EPRS1: variants seen among roughly 807,000 people sequenced by gnomAD.
EPRS1 encodes the protein glutamyl-prolyl-tRNA synthetase 1.
In EPRS1, 107 loss-of-function variants were observed where a neutral mutation model predicts 188.3. That is an observed-to-expected ratio of 0.57 (90% CI 0.49 to 0.67). The LOEUF (loss-of-function observed/expected upper bound fraction) is 0.67. Ranked by LOEUF, EPRS1 falls within the 30% of genes least tolerant of loss-of-function variation. The pLI, the probability that EPRS1 is intolerant of heterozygous loss-of-function variation, is 0.00. For synonymous variants in EPRS1, 596 were observed against 593.1 expected (o/e 1.00, Z -0.07); for missense variants, 1,577 against 1,802.2 (o/e 0.88, Z 2.26).
Position 219,981,868 on chromosome 1 carries a change from C to T in EPRS1, c.3374-411G>A, listed in dbSNP as rs553248139. The stretch of plus-strand genomic sequence containing the variant: ...AGGTATCATAACTCAGTTTTAAAGA[C>T]GTGGAAAGCTGAGTTTATAGAAGCT... On this transcript the variant is annotated intron_variant, in intron 23 of 31. Coordinates refer to ENST00000366923, the MANE Select transcript of EPRS1 (RefSeq NM_004446.3). Among the ~76,000 whole-genome samples, 30 of 152,248 alleles carry T rather than the reference C, an allele frequency of 2.0e-4. No homozygotes were observed. The South Asian group carries it at 4.4e-3, about 22-fold the overall frequency.
At position 219,997,389 on chromosome 1, in the gene EPRS1, T is replaced by C. The variant is rs778150959; in HGVS notation, c.2182-47A>G. On this transcript the variant is annotated intron_variant, in intron 17 of 31. Coordinates refer to ENST00000366923, the MANE Select transcript of EPRS1 (RefSeq NM_004446.3). ...AGTAAAATAATTAATTCATATTAAATGTTTTCCCACAAAATTATTTCAAAC... is the reference window on the plus strand; with the variant it reads ...AGTAAAATAATTAATTCATATTAAACGTTTTCCCACAAAATTATTTCAAAC... 18 of 1,451,972 alleles carry C rather than the reference T, an allele frequency of 1.2e-5. No homozygotes were observed. The Admixed American group carries it at 3.4e-4, about 28-fold the overall frequency. 89.9% of individuals were successfully genotyped at this position (1,451,972 alleles called of 1,614,324 possible).
At chr1:220,018,636 G>A in intron 11 of EPRS1, 128 bp from the exon 12 acceptor site, 1 of 691,768 alleles carries the variant, frequency 1.4e-6, no homozygotes, top group South Asian at 1.8e-5. Context: ...TACTTCTAGT[G>A]AAATATAAAA....
In EPRS1 at chr1:220,046,447, G is replaced by A; in HGVS notation, c.-59C>T. ...CCTGGCTCGTGCCAGAACTACGGAGGACCCCGCGAAAGGAAGAAGATGCAA... is the reference window on the plus strand; with the variant it reads ...CCTGGCTCGTGCCAGAACTACGGAGAACCCCGCGAAAGGAAGAAGATGCAA... On this transcript the variant is annotated 5_prime_UTR_variant, in exon 1 of 32. Transcript: ENST00000366923. 4 of 1,606,874 alleles carry A rather than the reference G, an allele frequency of 2.5e-6. No homozygotes were observed. Among genetic ancestry groups the A allele is most frequent in the Non-Finnish European group, 2.5e-6 (3 of 1,177,234 alleles).
rs776617380 is a variant in EPRS1, at chr1:220,007,191, A to G, written c.1742+11T>C. On this transcript the variant is annotated intron_variant, in intron 14 of 31. Coordinates refer to ENST00000366923, the MANE Select transcript of EPRS1 (RefSeq NM_004446.3). ...CCTATGTTTATTTGAAAACAAACAA[A>G]AAGTTCTTACTTGTGTATTTTTGTA... 3.1e-6 allele frequency: 5 copies of G among 1,599,660 alleles called. No homozygotes were observed. The Admixed American group carries it at 7.0e-5, about 22-fold the overall frequency.
intron 16 of EPRS1, among the ~76,000 whole-genome samples, chr1:220,002,349 G>A (rs907604201): frequency 1.1e-4 from 16 of 140,632 alleles, no homozygotes; most frequent in Non-Finnish European, 4.8e-5. Context: ...AAAAAAAAAA[G>A]AAAAAAAATT....
Position 219,978,632 on chromosome 1 carries a change from G to A in EPRS1, c.3997C>T (p.Arg1333Ter). The stretch of plus-strand genomic sequence containing the variant: ...ACGCGGATGTTAACACTGAGTAATC[G>A]CCTTCGATAATCATTGCATTTTGCA... ...LIAKCNDYRRRLLSVNIRVRA... is the reference protein window; with the variant it reads ...LIAKCNDYRR The change falls in exon 28 of 32, where the codon CGA becomes TGA. Residue 1333 changes from arginine (R) to a stop codon, truncating the protein, a stop_gained. Coordinates refer to ENST00000366923, the MANE Select transcript of EPRS1 (RefSeq NM_004446.3). LOFTEE classifies it high-confidence loss of function. The A allele has an allele frequency of 1.2e-6, 2 of 1,611,448 alleles. No individual in the cohort carries two copies. Among genetic ancestry groups the A allele is most frequent in the Non-Finnish European group, 8.5e-7 (1 of 1,178,382 alleles).
At chr1:220,004,338 A>G (rs1414203449) in intron 16 of EPRS1, among the ~76,000 whole-genome samples, 1 of 152,180 alleles carries the variant, frequency 6.6e-6, no homozygotes, top group South Asian at 2.1e-4. Context: ...CTGCCCTACT[A>G]ATAGAGATTT....
At chr1:220,016,344 A>G (rs1032048551) in intron 12 of EPRS1, among the ~76,000 whole-genome samples, 30 of 146,896 alleles carry the variant, frequency 2.0e-4, no homozygotes, top group Middle Eastern at 3.7e-3. Flanking sequence ...ATTCCGCTAC[A>G]AAAAGAAAAA....
At chr1:219,983,786 G>A (rs1660948090) in intron 21 of EPRS1, among the ~76,000 whole-genome samples, 2 of 151,670 alleles carry the variant, frequency 1.3e-5, no homozygotes, top group South Asian at 2.1e-4. Context: ...CCAGGTACTC[G>A]GGAGGCTGAG....
chr1:219,986,386 A>G (rs1327365807), intron 20 of EPRS1, among the ~76,000 whole-genome samples: 2 of 152,206 alleles, frequency 1.3e-5, no homozygotes, highest in Non-Finnish European at 2.9e-5. Flanking sequence ...ATGGAAAACC[A>G]AATATCCCAG....
intron 1 of EPRS1, 131 bp downstream of exon 1, chr1:220,046,212 G>A (rs1165200700): frequency 2.8e-6 from 3 of 1,082,664 alleles, no homozygotes; most frequent in Non-Finnish European, 4.1e-6. Flanking sequence ...GTACAATTCT[G>A]GGGCGAGGGG....
At chr1:219,992,346 A>G (rs949663425) in intron 18 of EPRS1, among the ~76,000 whole-genome samples, 2 of 152,210 alleles carry the variant, frequency 1.3e-5, no homozygotes, top group Admixed American at 1.3e-4. Flanking sequence ...CTCCACATAG[A>G]CTGGGTATGG....
chr1:220,004,222 T>TG lies in EPRS1; in HGVS notation c.2063+1025dup, dbSNP rs949313426. Among the ~76,000 whole-genome samples the TG allele has an allele frequency of 6.6e-5, 10 of 152,202 alleles. 1 individual carries two copies. The East Asian group carries it at 7.7e-4, about 12-fold the overall frequency. ...CTTTATTTATAATTTTTTGTAGAGA[T>TG]GGGGTCTCACTATGTTGCCCAGGCT... On this transcript the variant is annotated intron_variant, in intron 16 of 31. Transcript: ENST00000366923.
chr1:220,036,218 C>A (rs1221437651), intron 2 of EPRS1, among the ~76,000 whole-genome samples: 1 of 152,082 alleles, frequency 6.6e-6, no homozygotes, highest in Non-Finnish European at 1.5e-5. Context: ...AAACAAAAAA[C>A]CACACACTGT....
chr1:219,973,338 C>T lies in EPRS1; in HGVS notation c.4144G>A (p.Val1382Ile), dbSNP rs181250691. ...RDMKSCQFVA[V>I]RRDTGEKLTV... ...AGCTTTTCTCCAGTATCTCGTCTGA[C>T]GGCTACAAACTGACAGCTCTTCATA... The change falls in exon 29 of 32, where the codon GTC (valine) becomes ATC (isoleucine). Residue 1382 changes from valine to isoleucine, a missense_variant. Coordinates refer to ENST00000366923, the MANE Select transcript of EPRS1 (RefSeq NM_004446.3). 104 of 1,612,232 alleles carry T rather than the reference C, an allele frequency of 6.5e-5. No individual in the cohort carries two copies. The Admixed American group carries it at 1.4e-3, about 22-fold the overall frequency.
intron 30 of EPRS1, among the ~76,000 whole-genome samples, chr1:219,971,701 A>G (rs556569580): frequency 5.3e-5 from 8 of 149,866 alleles, no homozygotes; most frequent in Admixed American, 4.0e-4. Flanking sequence ...GGGAAAAAAA[A>G]ACTTACATAA....
intron 18 of EPRS1, among the ~76,000 whole-genome samples, chr1:219,993,275 TAGTATTC>T (rs1458925541): frequency 1.3e-5 from 2 of 152,170 alleles, no homozygotes; most frequent in Non-Finnish European, 2.9e-5. Flanking sequence ...TAAAGTAACT[TAGTATTC>T]AGTGTTATTA....
At chr1:219,981,303 A>G in intron 24 of EPRS1, 75 bp downstream of exon 24, 1 of 1,017,426 alleles carries the variant, frequency 9.8e-7, no homozygotes, top group South Asian at 1.8e-5. Context: ...TGAAAATAAA[A>G]ACAAAATGTG....
intron 12 of EPRS1, among the ~76,000 whole-genome samples, chr1:220,017,640 T>C (rs1661746752): frequency 6.6e-6 from 1 of 152,154 alleles, no homozygotes; most frequent in African/African-American, 2.4e-5. Flanking sequence ...CAATCCCAAA[T>C]AAGAATTTAC....
Sources: gnomAD v4.1 joint callset for allele counts (sites outside exome capture counted in the v4.1 genomes callset) on GRCh38, gnomAD v4.1.1 for gene constraint, MANE v1.5 for transcripts, NCBI Gene and HGNC (gene_info 2026-07-23, HGNC 2026-07-21) for gene names.